PDE3A: variants seen among roughly 807,000 people sequenced by gnomAD.
The protein encoded by PDE3A is phosphodiesterase 3A, also known as cGMP-inhibited 3',5'-cyclic phosphodiesterase 3A.
Under a neutral mutation model 98.3 loss-of-function variants are expected in PDE3A, and 43 were observed. The ratio of observed to expected loss-of-function variants is 0.44; its 90% confidence interval spans 0.34 to 0.56. The LOEUF (loss-of-function observed/expected upper bound fraction) is 0.56. Among genes scored for constraint, PDE3A ranks in the 20% least tolerant of loss-of-function variants. PDE3A has a pLI of 0.01. For missense variants in PDE3A, 1,427 were observed against 1,440.7 expected (o/e 0.99, Z 0.15); for synonymous variants, 663 against 567.9 (o/e 1.17, Z -2.38).
intron 1 of PDE3A, among the ~76,000 whole-genome samples, chr12:20,540,064 G>A (rs1329828227): frequency 1.3e-5 from 2 of 152,048 alleles, no homozygotes; most frequent in Non-Finnish European, 2.9e-5. Flanking sequence ...AACTGTAACA[G>A]GACTAGATTG....
rs1290751877 is a variant in PDE3A at position 20,678,593 on chromosome 12, C to T, written c.3185-1437C>T. Among the ~76,000 whole-genome samples the T allele has an allele frequency of 2.6e-5, 4 of 152,294 alleles. No individual in the cohort carries two copies. The Middle Eastern group carries it at 0.01, about 389-fold the overall frequency. Reference sequence around the variant, plus strand: ...TATTATCAGTGCTTACTTGTTCCTGCGTTTGTCTCTGCCTCACCTGCCTAA... The same window carrying T: ...TATTATCAGTGCTTACTTGTTCCTGTGTTTGTCTCTGCCTCACCTGCCTAA... On this transcript the variant is annotated intron_variant, in intron 15 of 15. Transcript: ENST00000359062.
chr12:20,420,532 G>A (rs1207092732), intron 1 of PDE3A, among the ~76,000 whole-genome samples: 1 of 152,068 alleles, frequency 6.6e-6, no homozygotes, highest in Non-Finnish European at 1.5e-5. Context: ...AGTTAAGTTG[G>A]GGCAGGAAGT....
intron 4 of PDE3A, among the ~76,000 whole-genome samples, chr12:20,616,699 C>T (rs1042126148): frequency 2.2e-4 from 33 of 151,998 alleles, no homozygotes; most frequent in Middle Eastern, 6.8e-3. Flanking sequence ...AGATTCATAC[C>T]GAGACCCTTA....
At chr12:20,616,191 T>A in intron 3 of PDE3A, 39 bp from the exon 4 acceptor site, 4 of 1,583,686 alleles carry the variant, frequency 2.5e-6, no homozygotes, top group Non-Finnish European at 3.5e-6. Flanking sequence ...TTAAGAGATA[T>A]AAAATATTCT....
chr12:20,527,501 T>G (rs1467651912), intron 1 of PDE3A, among the ~76,000 whole-genome samples: 2 of 152,164 alleles, frequency 1.3e-5, no homozygotes, highest in Non-Finnish European at 2.9e-5. Flanking sequence ...GCACAGTTTC[T>G]TTTCTTTTTC....
rs1166952875 is a variant in PDE3A, at chr12:20,654,036, C to T, written c.3015C>T (p.Ile1005=). The change falls in exon 15 of 16, where the codon ATC becomes ATT. Residue 1005 remains isoleucine (I), a synonymous_variant. Transcript: ENST00000359062. The part of the protein sequence containing the change: ...PQLANLQESF[I]SHIVGPLCNS... ...TGGCCAACCTTCAGGAATCCTTCAT[C>T]TCTCACATTGTGGGGCCTCTGTGCA... 1 of 1,614,020 alleles carries T rather than the reference C, an allele frequency of 6.2e-7. No homozygotes were observed. Among genetic ancestry groups the T allele is most frequent in the Non-Finnish European group, 8.5e-7 (1 of 1,180,022 alleles).
intron 1 of PDE3A, among the ~76,000 whole-genome samples, chr12:20,434,839 C>T (rs1208609452): frequency 6.6e-6 from 1 of 152,066 alleles, no homozygotes; most frequent in African/African-American, 2.4e-5. Context: ...CATATTTTTT[C>T]AGATACTAAA....
rs1214129615 is a variant in PDE3A at position 20,386,088 on chromosome 12, T to TGTA, written c.960+15844_960+15845insGTA. The stretch of plus-strand genomic sequence containing the variant: ...TATATATAAAATATATATAAATATA[T>TGTA]AAATATATATAAATATATATATAAA... On this transcript the variant is annotated intron_variant, in intron 1 of 15. Transcript: ENST00000359062. Among the ~76,000 whole-genome samples, 28 of 33,756 alleles carry TGTA rather than the reference T, an allele frequency of 8.3e-4. 2 individuals carry two copies. Among genetic ancestry groups the TGTA allele is most frequent in the African/African-American group, 2.7e-3 (27 of 10,186 alleles). 22.1% of individuals were successfully genotyped at this position (33,756 alleles called of 152,430 possible).
chr12:20,602,544 C>CTCTT (rs1269025690), intron 2 of PDE3A, among the ~76,000 whole-genome samples: 1 of 152,114 alleles, frequency 6.6e-6, no homozygotes, highest in African/African-American at 2.4e-5. Flanking sequence ...ACTTGCAGTG[C>CTCTT]TCTTTGAACA....
At chr12:20,481,986 G>A (rs947049227) in intron 1 of PDE3A, among the ~76,000 whole-genome samples, 4 of 151,666 alleles carry the variant, frequency 2.6e-5, no homozygotes, top group South Asian at 2.1e-4. Flanking sequence ...GGATGGTCTC[G>A]ATCTCCTGAC....
intron 1 of PDE3A, among the ~76,000 whole-genome samples, chr12:20,440,082 G>T (rs1015613791): frequency 1.3e-5 from 2 of 152,142 alleles, no homozygotes; most frequent in African/African-American, 4.8e-5. Flanking sequence ...GTCATTGTAT[G>T]ATATAAATCC....
intron 1 of PDE3A, among the ~76,000 whole-genome samples, chr12:20,428,426 C>T (rs1263508030): frequency 6.6e-6 from 1 of 151,850 alleles, no homozygotes; most frequent in Non-Finnish European, 1.5e-5. Context: ...ACTACAGGCG[C>T]CCGCCGCCAC....
At chr12:20,645,354 T>C (rs1168166881) in intron 10 of PDE3A, among the ~76,000 whole-genome samples, 1 of 152,154 alleles carries the variant, frequency 6.6e-6, no homozygotes, top group Non-Finnish European at 1.5e-5. Flanking sequence ...GGTGCTACAA[T>C]TGCCACATTG....
chr12:20,678,731 G>A (rs188458124), intron 15 of PDE3A, among the ~76,000 whole-genome samples: 6 of 152,232 alleles, frequency 3.9e-5, no homozygotes, highest in East Asian at 3.9e-4. Flanking sequence ...ATTACACCTC[G>A]CAAACCGACA....
chr12:20,486,980 C>T (rs1011365419), intron 1 of PDE3A, among the ~76,000 whole-genome samples: 2 of 152,082 alleles, frequency 1.3e-5, no homozygotes, highest in East Asian at 1.9e-4. Context: ...GTTAGAGATA[C>T]GTGTAGAGAC....
intron 1 of PDE3A, among the ~76,000 whole-genome samples, chr12:20,433,906 T>G (rs1041364427): frequency 2.6e-5 from 4 of 152,102 alleles, no homozygotes; most frequent in African/African-American, 9.7e-5. Context: ...GTGTTTTAAG[T>G]ATAGTAGTCT....
rs1240975160 is a variant in PDE3A at position 20,370,077 on chromosome 12, G to A, written c.793G>A (p.Ala265Thr). 6.8e-6 allele frequency: 11 copies of A among 1,612,936 alleles called. No homozygotes were observed. Among genetic ancestry groups the A allele is most frequent in the African/African-American group, 1.3e-5 (1 of 74,928 alleles). Residue 265 changes from alanine (A) to threonine (T), a missense_variant, in exon 1 of 16, where the codon GCG becomes ACG. Ala to Thr is a moderately conservative substitution (Grantham distance 58, BLOSUM62 0). Around this residue, in one of 3 missense-constraint regions of PDE3A, gnomAD observed 1,012 missense variants for 886.5 expected, o/e 1.14. Coordinates refer to ENST00000359062, the MANE Select transcript of PDE3A (RefSeq NM_000921.5). ...ACAAATCTTGCCGCAGTCCGCGGAG[G>A]CGGCTCCAAGGGAGCATTTGGGGTC... The part of the protein sequence containing the change: ...VEQILPQSAE[A>T]APREHLGSQL...
chr12:20,418,277 A>G (rs1485915308), intron 1 of PDE3A, among the ~76,000 whole-genome samples: 2 of 152,308 alleles, frequency 1.3e-5, no homozygotes, highest in African/African-American at 4.8e-5. Context: ...GAGATAATGC[A>G]TGCATATTGC....
intron 2 of PDE3A, among the ~76,000 whole-genome samples, chr12:20,612,655 AT>A (rs1312585170): frequency 2.7e-5 from 4 of 145,722 alleles, no homozygotes; most frequent in African/African-American, 1.0e-4. Context: ...GTAACTATAT[AT>A]AAGTAATATA....
Sources: gnomAD v4.1 joint callset for allele counts (sites outside exome capture counted in the v4.1 genomes callset) on GRCh38, gnomAD v4.1.1 for gene constraint, gnomAD v4.1.1 regional missense constraint, MANE v1.5 for transcripts, NCBI Gene and HGNC (gene_info 2026-07-23, HGNC 2026-07-21) for gene names.